LHPP: variants seen among roughly 807,000 people sequenced by gnomAD.
LHPP encodes the protein phospholysine phosphohistidine inorganic pyrophosphate phosphatase.
A neutral mutation model predicts 30.3 loss-of-function variants in LHPP; 24 were observed. The observed-to-expected ratio is 0.79, with a 90% CI of 0.57 to 1.11. The LOEUF (loss-of-function observed/expected upper bound fraction) is 1.11, where lower values mean the gene tolerates loss of function less well. Ranked by LOEUF, LHPP falls within the 50% of genes most tolerant of loss-of-function variation. The probability of loss-of-function intolerance (pLI) is 0.00; values close to 1 mark genes in which losing one functional copy is unlikely to be tolerated. For synonymous variants in LHPP, 150 were observed against 157.1 expected, an observed-to-expected ratio of 0.95 and a Z score of 0.34; for missense variants, 356 against 367.2, an observed-to-expected ratio of 0.97 and a Z score of 0.25.
At chr10:124,538,782 A>C (rs1201334632) in intron 6 of LHPP, among the ~76,000 whole-genome samples, 2 of 152,166 alleles carry the variant, frequency 1.3e-5, no homozygotes, top group Non-Finnish European at 2.9e-5. Flanking sequence ...GTGGTTTCTG[A>C]CTTGCCCAGA....
chr10:124,606,680 T>C (rs1409450572), intron 6 of LHPP, among the ~76,000 whole-genome samples: 1 of 152,246 alleles, frequency 6.6e-6, no homozygotes, highest in Non-Finnish European at 1.5e-5. Flanking sequence ...ATGCACTTTT[T>C]TGGGGACAGA....
At chr10:124,552,239 T>C (rs532284221) in intron 6 of LHPP, among the ~76,000 whole-genome samples, 1 of 152,240 alleles carries the variant, frequency 6.6e-6, no homozygotes, top group South Asian at 2.1e-4. Flanking sequence ...TTATGTACAT[T>C]CTTAAATTAC....
chr10:124,600,634 G>A (rs1334189421), intron 6 of LHPP, among the ~76,000 whole-genome samples: 1 of 152,250 alleles, frequency 6.6e-6, no homozygotes. Flanking sequence ...CGTGCTGGAT[G>A]GAGCTGGACT....
intron 2 of LHPP, among the ~76,000 whole-genome samples, chr10:124,487,576 G>A (rs1487458811): frequency 2.0e-5 from 3 of 151,780 alleles, no homozygotes; most frequent in Admixed American, 6.6e-5. Context: ...CTGAGTAGCT[G>A]AGATTACAGG....
chr10:124,498,245 TG>T, intron 5 of LHPP, 117 bp downstream of exon 5: 3 of 1,509,072 alleles, frequency 2.0e-6, no homozygotes, highest in Non-Finnish European at 2.7e-6. Context: ...CAGCCAAGCG[TG>T]GGCTCCCTGT....
At chr10:124,475,410 G>T (rs1174010300) in intron 1 of LHPP, among the ~76,000 whole-genome samples, 2 of 151,170 alleles carry the variant, frequency 1.3e-5, no homozygotes, top group African/African-American at 4.8e-5. Context: ...GCATAGTGGC[G>T]GGTGCCTGTA....
rs1954263237 is a variant in LHPP at position 124,510,160 on chromosome 10, CTG to C, written c.625-7019_625-7018del. ...GTCTGAAAGGAAGCGAAGCCCAGCC[CTG>C]GCAGGTGGAGTATTTTTATTTCCCC... On this transcript the variant is annotated intron_variant, in intron 5 of 6. Transcript: ENST00000368842. This position sits in a 1 kb window ranked among gnomAD's most constrained non-coding sequence, Gnocchi z 4.0. Among the ~76,000 whole-genome samples, 2 of 152,236 alleles carry C rather than the reference CTG, an allele frequency of 1.3e-5. No homozygotes were observed. The highest frequency in any genetic ancestry group is 2.9e-5 in the Non-Finnish European group (2 of 68,040).
At position 124,517,306 on chromosome 10, in the gene LHPP, T is replaced by C. The variant is rs774084380; in HGVS notation, c.716+35T>C. 4 of 1,331,914 alleles carry C rather than the reference T, an allele frequency of 3.0e-6. No individual in the cohort carries two copies. The highest frequency in any genetic ancestry group is 1.9e-4 in the Middle Eastern group (1 of 5,378). The allele number at this position is 1,331,914 out of a possible 1,614,324, so 82.5% of individuals were successfully genotyped here. A position where few individuals can be genotyped will look rare whatever the true frequency, so the allele number is the denominator to read the frequency against. On this transcript the variant is annotated intron_variant, in intron 6 of 6. Coordinates refer to ENST00000368842, the MANE Select transcript of LHPP (RefSeq NM_022126.4). This position sits in a 1 kb window ranked among gnomAD's most constrained non-coding sequence, Gnocchi z 4.1. ...AGCTGGAGTCATTTATTCACCTTCCTTCCAGGGGATGACCACATTCTCATT... is the reference window on the plus strand; with the variant it reads ...AGCTGGAGTCATTTATTCACCTTCCCTCCAGGGGATGACCACATTCTCATT...
chr10:124,503,777 C>T (rs1436036187), intron 5 of LHPP, among the ~76,000 whole-genome samples: 1 of 149,476 alleles, frequency 6.7e-6, no homozygotes, highest in African/African-American at 2.6e-5. Flanking sequence ...AAAAAATAAG[C>T]AACTATGTAT....
rs569828069 is a variant in LHPP, at chr10:124,496,738, C to G, written c.468-223C>G. On this transcript the variant is annotated intron_variant, in intron 3 of 6. Transcript: ENST00000368842. This position sits in a 1 kb window ranked among gnomAD's most constrained non-coding sequence, Gnocchi z 4.3. ...TGTGCGACCTGTGGCATCCCTGGAG[C>G]TGCTGGCTGCTGCGCTCGCCCCACT... 6.6e-6 allele frequency among the ~76,000 whole-genome samples: 1 copy of G among 152,364 alleles called. No individual in the cohort carries two copies. Among genetic ancestry groups the G allele is most frequent in the African/African-American group, 2.4e-5 (1 of 41,596 alleles).
chr10:124,582,707 T>G (rs1316692800), intron 6 of LHPP, among the ~76,000 whole-genome samples: 1 of 152,042 alleles, frequency 6.6e-6, no homozygotes, highest in Non-Finnish European at 1.5e-5. Context: ...AAAGAAAATT[T>G]AAGAAAAGCA....
chr10:124,546,765 CTCA>C (rs1393040691), intron 6 of LHPP, among the ~76,000 whole-genome samples: 1 of 152,170 alleles, frequency 6.6e-6, no homozygotes, highest in Non-Finnish European at 1.5e-5. Flanking sequence ...ACCTGCCAGC[CTCA>C]TCATCCGTGC....
intron 6 of LHPP, among the ~76,000 whole-genome samples, chr10:124,585,359 A>C (rs1948791138): frequency 1.3e-5 from 2 of 152,078 alleles, no homozygotes; most frequent in Non-Finnish European, 2.9e-5. Flanking sequence ...TCGTGCCTAT[A>C]ATCCCAGCAG....
chr10:124,492,275 T>TC (rs1953555710), intron 3 of LHPP, among the ~76,000 whole-genome samples: 1 of 150,250 alleles, frequency 6.7e-6, no homozygotes, highest in Non-Finnish European at 1.5e-5. Flanking sequence ...GAAAAGATTT[T>TC]TTTAGTGACA....
chr10:124,546,383 G>A (rs927784301), intron 6 of LHPP, among the ~76,000 whole-genome samples: 19 of 152,138 alleles, frequency 1.2e-4, no homozygotes, highest in African/African-American at 4.6e-4. Flanking sequence ...ATGATCTCAT[G>A]TGGTTGTATG....
intron 6 of LHPP, among the ~76,000 whole-genome samples, chr10:124,537,794 G>A (rs1257381344): frequency 2.0e-5 from 3 of 152,220 alleles, no homozygotes; most frequent in South Asian, 2.1e-4. Flanking sequence ...AGCTCTCACG[G>A]GTGCGAGTAA....
chr10:124,479,276 T>A (rs1217383675), intron 1 of LHPP, among the ~76,000 whole-genome samples: 1 of 152,162 alleles, frequency 6.6e-6, no homozygotes, highest in African/African-American at 2.4e-5. Flanking sequence ...GCTGGGCTTG[T>A]CCTTCTTTGC....
chr10:124,497,930 A>G, intron 4 of LHPP, 106 bp from the exon 5 acceptor site: 2 of 869,352 alleles, frequency 2.3e-6, no homozygotes, highest in African/African-American at 1.7e-5. Context: ...CTGCTTCTTC[A>G]AGGCCCTTGA....
At chr10:124,568,899 C>G (rs996176166) in intron 6 of LHPP, among the ~76,000 whole-genome samples, 46 of 152,150 alleles carry the variant, frequency 3.0e-4, no homozygotes, top group African/African-American at 1.0e-3. Context: ...TGGAGGCCCC[C>G]CTAGGTTTGT....
Sources: gnomAD v4.1 joint callset for allele counts (sites outside exome capture counted in the v4.1 genomes callset) on GRCh38, gnomAD v4.1.1 for gene constraint, Gnocchi (gnomAD v3.1) non-coding constraint, MANE v1.5 for transcripts, NCBI Gene and HGNC (gene_info 2026-07-23, HGNC 2026-07-21) for gene names.